The following MARCHF7 variants were observed in gnomAD, a reference collection of about 807,000 sequenced individuals.
MARCHF7 encodes the protein E3 ubiquitin-protein ligase MARCHF7.
Under a neutral mutation model 76.5 loss-of-function variants are expected in MARCHF7, and 20 were observed. That is an observed-to-expected ratio of 0.26 (90% CI 0.18 to 0.38). MARCHF7 has a LOEUF of 0.38. Among genes scored for constraint, MARCHF7 ranks in the 10% least tolerant of loss-of-function variants. The pLI is 1.00. For synonymous variants in MARCHF7, 295 were observed against 293.0 expected, an observed-to-expected ratio of 1.01 and a Z score of -0.07; for missense variants, 797 against 812.9, an observed-to-expected ratio of 0.98 and a Z score of 0.24.
At chr2:159,734,146 T>C in intron 4 of MARCHF7, 1 of 1,123,604 alleles carries the variant, frequency 8.9e-7, no homozygotes, top group Non-Finnish European at 1.2e-6. Context: ...TAAAAAGGGG[T>C]TATTTGTGGA....
chr2:159,727,920 T>C (rs964967841), intron 3 of MARCHF7, among the ~76,000 whole-genome samples: 2 of 152,240 alleles, frequency 1.3e-5, no homozygotes, highest in South Asian at 4.1e-4. Flanking sequence ...AACTTGGAAA[T>C]TATTAATCTA....
At chr2:159,749,965 C>CT (rs893030573) in intron 7 of MARCHF7, among the ~76,000 whole-genome samples, 5 of 152,248 alleles carry the variant, frequency 3.3e-5, no homozygotes, top group African/African-American at 1.2e-4. Context: ...CACTGCAAAT[C>CT]TTTTTTTGGA....
At position 159,753,149 on chromosome 2, in the gene MARCHF7, GC is replaced by G. The variant is rs1705859090; in HGVS notation, c.1783+579del. Among the ~76,000 whole-genome samples the G allele has an allele frequency of 3.3e-5, 5 of 152,172 alleles. No individual in the cohort carries two copies. In the South Asian group the frequency reaches 1.0e-3, roughly 31 times the overall value. Reference sequence around the variant, plus strand: ...GAGCTATTCCATAATTAGGGGAAGAGCACTCTAGCATAGGGAACAGCAAGTT... The same window carrying G: ...GAGCTATTCCATAATTAGGGGAAGAGACTCTAGCATAGGGAACAGCAAGTT... On this transcript the variant is annotated intron_variant, in intron 8 of 11. Coordinates refer to ENST00000409175, the MANE Select transcript of MARCHF7 (RefSeq NM_001282805.2).
At chr2:159,744,149 G>A (rs1007270253) in intron 5 of MARCHF7, among the ~76,000 whole-genome samples, 5 of 151,108 alleles carry the variant, frequency 3.3e-5, no homozygotes, top group Admixed American at 6.6e-5. Context: ...CACTACGCCC[G>A]GCTAATTTTT....
rs866031958 is a variant in MARCHF7 at position 159,761,303 on chromosome 2, C to T, written c.1894-1577C>T. On this transcript the variant is annotated intron_variant, in intron 9 of 11. Coordinates refer to ENST00000409175, the MANE Select transcript of MARCHF7 (RefSeq NM_001282805.2). Reference sequence around the variant, plus strand: ...CCTCCCAAAGTGCTGGGATTACAGGCGTGAGCCACCGTGCCTGGCCCCGTT... The same window carrying T: ...CCTCCCAAAGTGCTGGGATTACAGGTGTGAGCCACCGTGCCTGGCCCCGTT... Among the ~76,000 whole-genome samples, 3 of 150,940 alleles carry T rather than the reference C, an allele frequency of 2.0e-5. No individual in the cohort carries two copies. The East Asian group carries it at 5.8e-4, about 29-fold the overall frequency.
chr2:159,739,312 G>A (rs1194622541), intron 4 of MARCHF7, among the ~76,000 whole-genome samples: 2 of 152,242 alleles, frequency 1.3e-5, no homozygotes, highest in African/African-American at 4.8e-5. Flanking sequence ...AGCCGCTCCA[G>A]ATGAACTGCT....
At chr2:159,764,169 CT>C (rs1344992557) in intron 10 of MARCHF7, among the ~76,000 whole-genome samples, 2 of 141,980 alleles carry the variant, frequency 1.4e-5, no homozygotes, top group African/African-American at 5.4e-5. Context: ...GAACTGTATA[CT>C]TTTATCAAAT....
chr2:159,765,508 C>T (rs570043398), intron 11 of MARCHF7, among the ~76,000 whole-genome samples: 1 of 152,204 alleles, frequency 6.6e-6, no homozygotes, highest in East Asian at 1.9e-4. Flanking sequence ...CCCTTTGTTG[C>T]CCATTCCAAA....
chr2:159,751,978 CA>C (rs1338350039), intron 7 of MARCHF7, among the ~76,000 whole-genome samples: 2 of 151,906 alleles, frequency 1.3e-5, no homozygotes, highest in African/African-American at 4.8e-5. Context: ...AGGCAAGGGG[CA>C]AAAGTGATAA....
intron 9 of MARCHF7, among the ~76,000 whole-genome samples, chr2:159,761,575 C>T (rs568060610): frequency 2.3e-4 from 34 of 150,592 alleles, no homozygotes; most frequent in African/African-American, 8.3e-4. Flanking sequence ...CCACCACACC[C>T]AGCTAATTGT....
At chr2:159,747,737 A>G (rs763899462) in intron 6 of MARCHF7, 68 bp from the exon 7 acceptor site, 145 of 1,458,192 alleles carry the variant, frequency 9.9e-5, no homozygotes, top group Non-Finnish European at 1.3e-4. Flanking sequence ...TTGGCATTCA[A>G]CATAATAAAT....
chr2:159,756,633 G>C (rs1706334073), intron 8 of MARCHF7, among the ~76,000 whole-genome samples: 1 of 137,896 alleles, frequency 7.3e-6, no homozygotes, highest in Non-Finnish European at 1.5e-5. Context: ...TTTGCAGTGA[G>C]CCGAGATCAC....
intron 7 of MARCHF7, 85 bp from the exon 8 acceptor site, chr2:159,752,314 CAAA>C (rs980648243): frequency 1.3e-5 from 17 of 1,273,422 alleles, no homozygotes; most frequent in Non-Finnish European, 1.7e-5. Context: ...GTAGAAATAA[CAAA>C]AAAGAAAGCT....
chr2:159,755,048 G>C (rs1261854319), intron 8 of MARCHF7, among the ~76,000 whole-genome samples: 9 of 152,148 alleles, frequency 5.9e-5, no homozygotes. Context: ...TCTTTTGCCA[G>C]GCAAATATGA....
intron 3 of MARCHF7, among the ~76,000 whole-genome samples, chr2:159,718,311 A>G (rs1371213850): frequency 1.3e-5 from 2 of 152,192 alleles, no homozygotes; most frequent in Non-Finnish European, 2.9e-5. Flanking sequence ...TCAGTTTTCT[A>G]TTTTGGAAAA....
chr2:159,747,657 T>A (rs1705072775), intron 6 of MARCHF7, 148 bp from the exon 7 acceptor site: 1 of 684,800 alleles, frequency 1.5e-6, no homozygotes, highest in Non-Finnish European at 2.2e-6. Context: ...ACATTTATGT[T>A]TTTTCTATAA....
At chr2:159,745,166 A>G (rs886437868) in intron 5 of MARCHF7, among the ~76,000 whole-genome samples, 2 of 152,206 alleles carry the variant, frequency 1.3e-5, no homozygotes, top group Admixed American at 6.5e-5. Context: ...ATCGTTTTAC[A>G]TAATGTATAG....
At chr2:159,747,677 A>G in intron 6 of MARCHF7, 128 bp from the exon 7 acceptor site, 1 of 830,914 alleles carries the variant, frequency 1.2e-6, no homozygotes, top group Non-Finnish European at 1.8e-6. Context: ...ATAATAGTAA[A>G]CTCTGTAGTT....
rs1386965905 is a variant in MARCHF7 at position 159,743,258 on chromosome 2, G to C, written c.346+5G>C. The C allele has an allele frequency of 6.2e-7, 1 of 1,609,348 alleles. No individual in the cohort carries two copies. Among genetic ancestry groups the C allele is most frequent in the Admixed American group, 1.7e-5 (1 of 59,516 alleles). On this transcript the variant is annotated splice_donor_5th_base_variant and intron_variant, in intron 5 of 11. Transcript: ENST00000409175. Reference sequence around the variant, plus strand: ...ATGGTTTAAACACATTATCAGGTAAGAATGAGTTTCTGTAGGTATTTTAAG... The same window carrying C: ...ATGGTTTAAACACATTATCAGGTAACAATGAGTTTCTGTAGGTATTTTAAG...
Sources: gnomAD v4.1 joint callset for allele counts (sites outside exome capture counted in the v4.1 genomes callset) on GRCh38, gnomAD v4.1.1 for gene constraint, MANE v1.5 for transcripts, NCBI Gene and HGNC (gene_info 2026-07-23, HGNC 2026-07-21) for gene names.